Variants in ACOX3 observed in about 807,000 individuals in gnomAD.
ACOX3 encodes the protein peroxisomal acyl-coenzyme A oxidase 3.
A neutral mutation model predicts 81.5 loss-of-function variants in ACOX3; 73 were observed. The ratio of observed to expected loss-of-function variants is 0.90; its 90% CI spans 0.74 to 1.09. ACOX3 has a LOEUF of 1.09. Ranked by LOEUF, ACOX3 falls within the 50% of genes least tolerant of loss-of-function variation. The pLI is 0.00. For missense variants in ACOX3, 947 were observed against 928.0 expected, an observed-to-expected ratio of 1.02 and a Z score of -0.27; for synonymous variants, 387 against 375.1, an observed-to-expected ratio of 1.03 and a Z score of -0.37.
the ACOX3 span, among the ~76,000 whole-genome samples, chr4:8,360,931 C>T: frequency 6.6e-6 from 1 of 152,060 alleles, no homozygotes; most frequent in Non-Finnish European, 1.5e-5. Flanking sequence ...ACCTGGTACA[C>T]AATTAGAATC....
At chr4:8,363,484 G>A (rs1715274761), downstream of ACOX3, among the ~76,000 whole-genome samples, 1 of 152,118 alleles carries the variant, frequency 6.6e-6, no homozygotes, top group African/African-American at 2.4e-5. Context: ...GGAGTATCAT[G>A]GACCCTATTC....
At position 8,437,108 on chromosome 4, in the gene ACOX3, T is replaced by C. The variant is rs111267301; in HGVS notation, c.-15+3540A>G. 1.5e-5 allele frequency among the ~76,000 whole-genome samples: 1 copy of C among 68,520 alleles called. No individual in the cohort carries two copies. Among genetic ancestry groups the C allele is most frequent in the Non-Finnish European group, 2.7e-5 (1 of 37,606 alleles). The allele number at this position is 68,520 out of a possible 152,430, so 45.0% of individuals were successfully genotyped here. On this transcript the variant is annotated intron_variant, in intron 1 of 17. Transcript: ENST00000356406. This position sits in a 1 kb window ranked among gnomAD's most constrained non-coding sequence, Gnocchi z 5.2. Reference sequence around the variant, plus strand: ...ACACGTAAATATATATATTTACATATATATGTAAAAAAATATATGTAAATA... The same window carrying C: ...ACACGTAAATATATATATTTACATACATATGTAAAAAAATATATGTAAATA...
At chr4:8,412,883 G>GCA (rs1721882684) in intron 5 of ACOX3, among the ~76,000 whole-genome samples, 2 of 130,418 alleles carry the variant, frequency 1.5e-5, no homozygotes, top group East Asian at 2.4e-4. Context: ...CCACCCCTGT[G>GCA]CCCCTCCACA....
the ACOX3 span, chr4:8,358,191 G>C: frequency 6.6e-6 from 1 of 152,194 alleles, no homozygotes; most frequent in Admixed American, 6.5e-5. Context: ...TTGCAAAGCT[G>C]TCTCTCATGG....
intron 1 of ACOX3, among the ~76,000 whole-genome samples, chr4:8,420,999 C>T (rs1389814449): frequency 1.3e-5 from 2 of 152,246 alleles, no homozygotes; most frequent in Non-Finnish European, 2.9e-5. Flanking sequence ...CACCGCATGG[C>T]CCAAGGTTCC....
intron 17 of ACOX3, among the ~76,000 whole-genome samples, chr4:8,369,446 G>C (rs1715875088): frequency 6.6e-6 from 1 of 152,196 alleles, no homozygotes; most frequent in African/African-American, 2.4e-5. Flanking sequence ...GGCTTCTCTG[G>C]CTCTCAGCTC....
intron 8 of ACOX3, among the ~76,000 whole-genome samples, chr4:8,398,703 T>A (rs1343486111): frequency 6.6e-6 from 1 of 152,186 alleles, no homozygotes; most frequent in African/African-American, 2.4e-5. Context: ...CTGGAACTCC[T>A]GGGCTCAAGC....
chr4:8,397,200 C>G, intron 8 of ACOX3, 81 bp from the exon 9 acceptor site: 1 of 1,348,468 alleles, frequency 7.4e-7, no homozygotes, highest in Non-Finnish European at 9.8e-7. Flanking sequence ...CGAAGGTGCC[C>G]TCGTTTGTTC....
Position 8,415,859 on chromosome 4 carries a change from G to A in ACOX3, c.285C>T (p.Asp95=). Residue 95 remains aspartate, a synonymous_variant, in exon 3 of 18, where the codon GAC becomes GAT. Coordinates refer to ENST00000356406, the MANE Select transcript of ACOX3 (RefSeq NM_003501.3). Reference sequence around the variant, plus strand: ...GGACCTTCAGAGGGCTCTTGAACATGTCTTCGACACTGAGGAAGTCATACT... The same window carrying A: ...GGACCTTCAGAGGGCTCTTGAACATATCTTCGACACTGAGGAAGTCATACT... The part of the protein sequence containing the change: ...IFEYDFLSVE[D]MFKSPLKVPA... The A allele has an allele frequency of 6.2e-7, 1 of 1,614,194 alleles. No individual in the cohort carries two copies. The highest frequency in any genetic ancestry group is 8.5e-7 in the Non-Finnish European group (1 of 1,180,040).
intron 1 of ACOX3, among the ~76,000 whole-genome samples, chr4:8,425,230 A>C (rs1390345100): frequency 6.6e-6 from 1 of 152,138 alleles, no homozygotes; most frequent in African/African-American, 2.4e-5. Context: ...CGAAGCAGAT[A>C]CTGAAGCCAA....
chr4:8,412,512 A>G (rs1014642041), intron 5 of ACOX3, among the ~76,000 whole-genome samples: 1 of 152,120 alleles, frequency 6.6e-6, no homozygotes, highest in Non-Finnish European at 1.5e-5. Context: ...GGATGGATGG[A>G]AGGATGAATG....
the ACOX3 span, chr4:8,356,663 A>G: frequency 2.2e-6 from 1 of 455,514 alleles, no homozygotes; most frequent in Non-Finnish European, 4.4e-6. Context: ...GGGAACACTA[A>G]CCTGTTCCTG....
At chr4:8,366,181 C>T (rs118182494), downstream of ACOX3, 3,366 of 152,432 alleles carry the variant, frequency 0.022, 56 homozygotes, top group Non-Finnish European at 0.033. Flanking sequence ...CTGATGGCCC[C>T]GGTCTGCTGC....
At chr4:8,376,094 G>T (rs891276932) in intron 14 of ACOX3, among the ~76,000 whole-genome samples, 21 of 152,284 alleles carry the variant, frequency 1.4e-4, no homozygotes, top group Admixed American at 9.8e-4. Flanking sequence ...TTGCCAAGCT[G>T]CCCTCCACGG....
At chr4:8,376,172 ATC>A (rs1023288873) in intron 14 of ACOX3, among the ~76,000 whole-genome samples, 2 of 152,156 alleles carry the variant, frequency 1.3e-5, no homozygotes, top group Admixed American at 1.3e-4. Context: ...CCTCGCCAGC[ATC>A]TGTTATTTTT....
Position 8,371,007 on chromosome 4 carries a change from A to C in ACOX3, c.1897-13T>G. 1 of 1,613,520 alleles carries C rather than the reference A, an allele frequency of 6.2e-7. No individual in the cohort carries two copies. The highest frequency in any genetic ancestry group is 1.3e-5 in the African/African-American group (1 of 75,040). The stretch of plus-strand genomic sequence containing the variant: ...CATCGTCTTTCAGCTGTTGGAAAAC[A>C]AAGCCCAGACACTTGGCACCTCCCG... On this transcript the variant is annotated splice_polypyrimidine_tract_variant and intron_variant, in intron 16 of 17. Coordinates refer to ENST00000356406, the MANE Select transcript of ACOX3 (RefSeq NM_003501.3).
At chr4:8,411,330 C>T (rs1342261488) in intron 5 of ACOX3, among the ~76,000 whole-genome samples, 2 of 152,170 alleles carry the variant, frequency 1.3e-5, no homozygotes, top group African/African-American at 2.4e-5. Context: ...AAATAACGTG[C>T]CGGGGAGGGC....
intron 7 of ACOX3, among the ~76,000 whole-genome samples, chr4:8,401,431 C>T (rs991443283): frequency 2.0e-5 from 3 of 152,182 alleles, no homozygotes; most frequent in East Asian, 1.9e-4. Context: ...CATTGTCACC[C>T]GGTCCTGGGC....
At chr4:8,378,228 C>T (rs1460968224) in intron 14 of ACOX3, among the ~76,000 whole-genome samples, 2 of 152,234 alleles carry the variant, frequency 1.3e-5, no homozygotes, top group African/African-American at 4.8e-5. Flanking sequence ...TGCAGCCATG[C>T]AGCCTGGGGA....
Sources: gnomAD v4.1 joint callset for allele counts (sites outside exome capture counted in the v4.1 genomes callset) on GRCh38, gnomAD v4.1.1 for gene constraint, Gnocchi (gnomAD v3.1) non-coding constraint, MANE v1.5 for transcripts, NCBI Gene and HGNC (gene_info 2026-07-23, HGNC 2026-07-21) for gene names.